Variants in VAT1L observed in about 807,000 individuals in gnomAD.
VAT1L encodes the protein putative NADPH-dependent quinone oxidoreductase VAT1L.
VAT1L carries 34 observed loss-of-function variants against 44.1 expected under a neutral mutation model. The ratio of observed to expected loss-of-function variants is 0.77; its 90% CI spans 0.59 to 1.03. The LOEUF is 1.03. Ranked by LOEUF, VAT1L falls within the 50% of genes least tolerant of loss-of-function variation. VAT1L has a pLI of 0.00. For missense variants in VAT1L, 615 were observed against 538.8 expected (o/e 1.14, Z -1.40); for synonymous variants, 253 against 202.2 (o/e 1.25, Z -2.13).
At chr16:77,927,262 T>C (rs1019734701) in intron 7 of VAT1L, among the ~76,000 whole-genome samples, 1 of 145,494 alleles carries the variant, frequency 6.9e-6, no homozygotes, top group Non-Finnish European at 1.5e-5. Flanking sequence ...GGCGTGAACC[T>C]GGGAGGCAGA....
intron 4 of VAT1L, among the ~76,000 whole-genome samples, chr16:77,875,439 T>TTTTGTGTTTGAACAGA (rs2017077639): frequency 6.6e-6 from 1 of 152,178 alleles, no homozygotes; most frequent in Non-Finnish European, 1.5e-5. Context: ...ACACAAGGAA[T>TTTTGTGTTTGAACAGA]GCCATTCTTG....
chr16:77,942,185 A>C (rs2017893741), intron 7 of VAT1L, among the ~76,000 whole-genome samples: 1 of 152,190 alleles, frequency 6.6e-6, no homozygotes, highest in Admixed American at 6.5e-5. Flanking sequence ...TCTCACAATC[A>C]TGGTGGAAGA....
chr16:77,920,729 T>G (rs889401425), intron 7 of VAT1L, among the ~76,000 whole-genome samples: 1 of 152,202 alleles, frequency 6.6e-6, no homozygotes, highest in African/African-American at 2.4e-5. Flanking sequence ...TGGGTTACAA[T>G]TGCTTACAGT....
In VAT1L at chr16:77,897,615, C is replaced by T. The variant is rs560562838; in HGVS notation, c.1077+12813C>T. 4.2e-4 allele frequency among the ~76,000 whole-genome samples: 64 copies of T among 152,168 alleles called. 1 individual carries two copies. Among genetic ancestry groups the T allele is most frequent in the Admixed American group, 1.0e-3 (16 of 15,286 alleles). ...CCTCCTGAGTAGCTGGGATTACAGG[C>T]GACGCCAGCCACCATGCCCAGCTAA... On this transcript the variant is annotated intron_variant, in intron 7 of 8. Coordinates refer to ENST00000302536, the MANE Select transcript of VAT1L (RefSeq NM_020927.3).
At chr16:77,919,053 A>G (rs763925059) in intron 7 of VAT1L, among the ~76,000 whole-genome samples, 2 of 152,178 alleles carry the variant, frequency 1.3e-5, no homozygotes, top group African/African-American at 2.4e-5. Flanking sequence ...CTGTGCCAAT[A>G]GGGGAGAGGA....
intron 7 of VAT1L, among the ~76,000 whole-genome samples, chr16:77,958,812 CTCT>C (rs771360343): frequency 1.2e-4 from 18 of 152,158 alleles, no homozygotes; most frequent in Non-Finnish European, 2.4e-4. Context: ...TTTTTGCTTT[CTCT>C]TCTTCTCCTT....
chr16:77,912,714 T>A (rs2017511730), intron 7 of VAT1L, among the ~76,000 whole-genome samples: 1 of 152,192 alleles, frequency 6.6e-6, no homozygotes, highest in Non-Finnish European at 1.5e-5. Context: ...GCTATTGCCT[T>A]AGTCTGCTCA....
chr16:77,789,034 C>A, intron 1 of VAT1L, 119 bp downstream of exon 1: 1 of 1,243,770 alleles, frequency 8.0e-7, no homozygotes, highest in Non-Finnish European at 1.1e-6. Flanking sequence ...ACCCCCTCCG[C>A]GCCCTCACCC....
intron 4 of VAT1L, 131 bp downstream of exon 4, chr16:77,863,021 T>C (rs1176932404): frequency 1.7e-6 from 2 of 1,154,198 alleles, no homozygotes; most frequent in Non-Finnish European, 2.4e-6. Context: ...TATTATTAGC[T>C]CTGTGCCAAA....
Position 77,841,950 on chromosome 16 carries a change from C to T in VAT1L, c.579+16489C>T, listed in dbSNP as rs570698027. Among the ~76,000 whole-genome samples the T allele has an allele frequency of 6.3e-4, 95 of 151,882 alleles. No homozygotes were observed. The South Asian group carries it at 7.9e-3, about 13-fold the overall frequency. On this transcript the variant is annotated intron_variant, in intron 3 of 8. Transcript: ENST00000302536. ...TTGCCCAGGCTGTAGTGCAGTGGCA[C>T]GATCTTGGCTCATGGCAAGCTCCAC...
intron 7 of VAT1L, among the ~76,000 whole-genome samples, chr16:77,902,102 T>C (rs1388877791): frequency 6.6e-6 from 1 of 152,220 alleles, no homozygotes; most frequent in Non-Finnish European, 1.5e-5. Context: ...ATCTAAACTT[T>C]TTGGGTTTAT....
rs144845978 is a variant in VAT1L, at chr16:77,946,529, G to A, written c.1078-25321G>A. Among the ~76,000 whole-genome samples, 161 of 151,998 alleles carry A rather than the reference G, an allele frequency of 1.1e-3. 2 individuals carry two copies. Among genetic ancestry groups the A allele is most frequent in the African/African-American group, 2.9e-3 (119 of 41,506 alleles). On this transcript the variant is annotated intron_variant, in intron 7 of 8. Coordinates refer to ENST00000302536, the MANE Select transcript of VAT1L (RefSeq NM_020927.3). Reference sequence around the variant, plus strand: ...GATCTCCTGACTTCGTGATCTGCCCGCCTCAGCCTCCCAAAGTGCTGGGAT... The same window carrying A: ...GATCTCCTGACTTCGTGATCTGCCCACCTCAGCCTCCCAAAGTGCTGGGAT...
intron 7 of VAT1L, among the ~76,000 whole-genome samples, chr16:77,951,935 A>C (rs924456565): frequency 6.6e-6 from 1 of 152,180 alleles, no homozygotes; most frequent in Non-Finnish European, 1.5e-5. Flanking sequence ...CCTTTGAAAC[A>C]AAAGGTAGAG....
chr16:77,871,243 C>G (rs2017029185), intron 4 of VAT1L, among the ~76,000 whole-genome samples: 1 of 152,052 alleles, frequency 6.6e-6, no homozygotes, highest in Non-Finnish European at 1.5e-5. Context: ...CCACCCTCCA[C>G]CCCACCACTG....
At chr16:77,864,296 A>G (rs1439751772) in intron 4 of VAT1L, among the ~76,000 whole-genome samples, 1 of 152,230 alleles carries the variant, frequency 6.6e-6, no homozygotes, top group African/African-American at 2.4e-5. Context: ...AGATAGAATC[A>G]TAATAAAGAA....
intron 7 of VAT1L, among the ~76,000 whole-genome samples, chr16:77,903,191 C>A (rs2017402875): frequency 6.6e-6 from 1 of 152,046 alleles, no homozygotes; most frequent in Non-Finnish European, 1.5e-5. Context: ...TCTTACTGAA[C>A]CGGAGTTTTC....
intron 7 of VAT1L, among the ~76,000 whole-genome samples, chr16:77,955,362 A>C (rs1352080602): frequency 6.6e-6 from 1 of 152,212 alleles, no homozygotes; most frequent in African/African-American, 2.4e-5. Context: ...TGCAGTGCCC[A>C]GGACAGCCCC....
intron 7 of VAT1L, among the ~76,000 whole-genome samples, chr16:77,951,461 G>A (rs2018041841): frequency 6.6e-6 from 1 of 152,142 alleles, no homozygotes; most frequent in South Asian, 2.1e-4. Context: ...CAGGAGAATC[G>A]CTTGAACCCA....
chr16:77,882,707 A>G (rs1007979576), intron 6 of VAT1L, among the ~76,000 whole-genome samples: 1 of 152,244 alleles, frequency 6.6e-6, no homozygotes, highest in Non-Finnish European at 1.5e-5. Context: ...TTCCACAAAC[A>G]TTCACTGAGG....
Sources: allele counts gnomAD v4.1 joint callset (sites outside exome capture counted in the v4.1 genomes callset), GRCh38; gene constraint gnomAD v4.1.1; transcripts MANE v1.5; gene names NCBI Gene and HGNC (gene_info 2026-07-23, HGNC 2026-07-21).